SHC3: variants seen among roughly 807,000 people sequenced by gnomAD.
SHC3 encodes the protein SHC-transforming protein 3.
A neutral mutation model predicts 60.4 loss-of-function variants in SHC3; 15 were observed. That is an observed-to-expected ratio of 0.25 (90% CI 0.17 to 0.38). The LOEUF is 0.38. Among genes scored for constraint, SHC3 ranks in the 10% least tolerant of loss-of-function variants. The pLI, the probability that SHC3 is intolerant of heterozygous loss-of-function variation, is 1.00. For missense variants in SHC3, 677 were observed against 786.1 expected (o/e 0.86, Z 1.66); for synonymous variants, 294 against 325.9 (o/e 0.90, Z 1.05).
At chr9:89,112,015 C>T (rs757634867) in intron 2 of SHC3, among the ~76,000 whole-genome samples, 1 of 152,202 alleles carries the variant, frequency 6.6e-6, no homozygotes, top group Non-Finnish European at 1.5e-5. Flanking sequence ...TGCTTAAATA[C>T]TGCCCCTGAA....
Sources: gnomAD v4.1 joint callset for allele counts (sites outside exome capture counted in the v4.1 genomes callset) on GRCh38, gnomAD v4.1.1 for gene constraint, MANE v1.5 for transcripts, NCBI Gene and HGNC (gene_info 2026-07-23, HGNC 2026-07-21) for gene names.